The following ZCCHC7 variants were observed in gnomAD, a reference collection of about 807,000 sequenced individuals.
The protein encoded by ZCCHC7 is zinc finger CCHC-type containing 7.
ZCCHC7 carries 35 observed loss-of-function variants against 52.0 expected under a neutral mutation model. That is an observed-to-expected ratio of 0.67 (90% CI 0.51 to 0.89). ZCCHC7 has a LOEUF of 0.89. ZCCHC7 is among the 40% of genes least tolerant of loss of function. The pLI is 0.00. For synonymous variants in ZCCHC7, 217 were observed against 221.5 expected, an observed-to-expected ratio of 0.98 and a Z score of 0.18; for missense variants, 574 against 649.1, an observed-to-expected ratio of 0.88 and a Z score of 1.26.
chr9:37,219,228 AT>A (rs564492595), intron 2 of ZCCHC7, among the ~76,000 whole-genome samples: 1 of 152,188 alleles, frequency 6.6e-6, no homozygotes, highest in East Asian at 1.9e-4. Flanking sequence ...CCAATGCCCA[AT>A]TTTTTGTAAT....
chr9:37,215,070 T>C (rs1298607666), intron 2 of ZCCHC7, among the ~76,000 whole-genome samples: 1 of 152,136 alleles, frequency 6.6e-6, no homozygotes, highest in East Asian at 1.9e-4. Context: ...AATATGAACA[T>C]CTCATTTGAC....
rs11998996 is a variant in ZCCHC7 at position 37,168,052 on chromosome 9, T to A, written c.610+41110T>A. On this transcript the variant is annotated intron_variant, in intron 2 of 8. Coordinates refer to ENST00000336755, the MANE Select transcript of ZCCHC7 (RefSeq NM_032226.3). The stretch of plus-strand genomic sequence containing the variant: ...TCCTTTATTACTAGATCTTTCAAAT[T>A]TATTTGTCTTTAGTCTTCCTGGGTT... Among the ~76,000 whole-genome samples, 1,057 of 152,298 alleles carry A rather than the reference T, an allele frequency of 6.9e-3. 17 individuals carry two copies. Among genetic ancestry groups the A allele is most frequent in the African/African-American group, 0.024 (978 of 41,562 alleles).
At chr9:37,184,392 CAAAAA>C (rs34335465) in intron 2 of ZCCHC7, among the ~76,000 whole-genome samples, 13 of 121,296 alleles carry the variant, frequency 1.1e-4, no homozygotes, top group East Asian at 2.6e-4. Context: ...TGGCTTGCAT[CAAAAA>C]AAAAAAAAAA....
chr9:37,140,542 C>T (rs1843175902), intron 2 of ZCCHC7, among the ~76,000 whole-genome samples: 1 of 151,922 alleles, frequency 6.6e-6, no homozygotes, highest in Non-Finnish European at 1.5e-5. Context: ...CCATCAGGTA[C>T]TTACTTGGTT....
intron 6 of ZCCHC7, among the ~76,000 whole-genome samples, chr9:37,344,559 G>T (rs899352188): frequency 6.6e-6 from 1 of 151,984 alleles, no homozygotes; most frequent in African/African-American, 2.4e-5. Context: ...CATGCCTTAC[G>T]CCAAGAGTGG....
At chr9:37,216,363 C>G (rs775175738) in intron 2 of ZCCHC7, among the ~76,000 whole-genome samples, 3 of 152,054 alleles carry the variant, frequency 2.0e-5, no homozygotes, top group Non-Finnish European at 4.4e-5. Context: ...TTTATTTGCT[C>G]TAAATGGTTA....
At chr9:37,338,248 A>C (rs1830767302) in intron 6 of ZCCHC7, among the ~76,000 whole-genome samples, 2 of 152,196 alleles carry the variant, frequency 1.3e-5, no homozygotes, top group Non-Finnish European at 2.9e-5. Flanking sequence ...TTTTTATAAA[A>C]CTCGTGCTTC....
chr9:37,261,976 G>A (rs746184308), intron 2 of ZCCHC7, among the ~76,000 whole-genome samples: 6 of 152,050 alleles, frequency 3.9e-5, no homozygotes, highest in Non-Finnish European at 8.8e-5. Context: ...CACTCATTGC[G>A]TGAAAGATTT....
At chr9:37,201,036 A>G (rs1823604440) in intron 2 of ZCCHC7, among the ~76,000 whole-genome samples, 2 of 152,250 alleles carry the variant, frequency 1.3e-5, no homozygotes, top group Admixed American at 6.5e-5. Flanking sequence ...AACAGGGGCT[A>G]TGGGAGACAA....
intron 2 of ZCCHC7, among the ~76,000 whole-genome samples, chr9:37,257,539 TCTC>T (rs1826648607): frequency 6.6e-6 from 1 of 152,206 alleles, no homozygotes. Context: ...ATGCCACTCT[TCTC>T]ATTTCGGAAA....
intron 2 of ZCCHC7, among the ~76,000 whole-genome samples, chr9:37,217,415 T>C (rs1302462712): frequency 6.6e-6 from 1 of 152,154 alleles, no homozygotes; most frequent in Non-Finnish European, 1.5e-5. Flanking sequence ...TAAAAACTTT[T>C]AGGAACTCAA....
chr9:37,199,674 C>CTCTG (rs1421911800), intron 2 of ZCCHC7, among the ~76,000 whole-genome samples: 2 of 68,554 alleles, frequency 2.9e-5, no homozygotes, highest in Non-Finnish European at 7.2e-5. Flanking sequence ...CTGTCTTTCT[C>CTCTG]TCTGTCTGTC....
rs1293966952 is a variant in ZCCHC7, at chr9:37,279,079, T to C, written c.611-23109T>C. Among the ~76,000 whole-genome samples, 8 of 152,318 alleles carry C rather than the reference T, an allele frequency of 5.3e-5. No homozygotes were observed. In the East Asian group the frequency reaches 5.8e-4, roughly 11 times the overall value. On this transcript the variant is annotated intron_variant, in intron 2 of 8. Transcript: ENST00000336755. ...AGCTACCCTCCACTAGTAGAAATGC[T>C]GAAGTAAATTCTTTGGGATGAAGGG...
chr9:37,220,511 C>T (rs565629918), intron 2 of ZCCHC7, among the ~76,000 whole-genome samples: 17 of 152,250 alleles, frequency 1.1e-4, no homozygotes, highest in Admixed American at 9.2e-4. Context: ...CACTGCGCTT[C>T]AGCCTGGGTG....
rs144567337 is a variant in ZCCHC7, at chr9:37,248,402, T to C, written c.611-53786T>C. Reference sequence around the variant, plus strand: ...TGATGTTATTGCAGTTATTTTAATTTCCTGCCTGGAGCGTTTCAGTAGTAG... The same window carrying C: ...TGATGTTATTGCAGTTATTTTAATTCCCTGCCTGGAGCGTTTCAGTAGTAG... On this transcript the variant is annotated intron_variant, in intron 2 of 8. Coordinates refer to ENST00000336755, the MANE Select transcript of ZCCHC7 (RefSeq NM_032226.3). Among the ~76,000 whole-genome samples the C allele has an allele frequency of 2.6e-5, 4 of 152,352 alleles. No homozygotes were observed. The East Asian group carries it at 7.7e-4, about 29-fold the overall frequency.
rs184397848 is a variant in ZCCHC7, at chr9:37,275,728, C to T, written c.611-26460C>T. 9.9e-3 allele frequency among the ~76,000 whole-genome samples: 1,510 copies of T among 152,246 alleles called. 12 individuals carry two copies. Among genetic ancestry groups the T allele is most frequent in the Middle Eastern group, 0.014 (4 of 294 alleles). On this transcript the variant is annotated intron_variant, in intron 2 of 8. Coordinates refer to ENST00000336755, the MANE Select transcript of ZCCHC7 (RefSeq NM_032226.3). Reference sequence around the variant, plus strand: ...CGTGATCTCAGCTCACTGTAACCTCCGCCTCCCAGGTTCAAGCGATTCTCC... The same window carrying T: ...CGTGATCTCAGCTCACTGTAACCTCTGCCTCCCAGGTTCAAGCGATTCTCC...
rs72737764 is a variant in ZCCHC7 at position 37,217,982 on chromosome 9, A to C, written c.611-84206A>C. Among the ~76,000 whole-genome samples, 898 of 152,294 alleles carry C rather than the reference A, an allele frequency of 5.9e-3. 4 individuals are homozygous for C. Among genetic ancestry groups the C allele is most frequent in the Non-Finnish European group, 0.01 (713 of 68,002 alleles). On this transcript the variant is annotated intron_variant, in intron 2 of 8. Coordinates refer to ENST00000336755, the MANE Select transcript of ZCCHC7 (RefSeq NM_032226.3). ...ATATACTTTGGAAATTCTATTTTAA[A>C]GCATGTCATTAATTCTTTAGACTTA...
At chr9:37,164,570 A>G (rs1162359087) in intron 2 of ZCCHC7, among the ~76,000 whole-genome samples, 2 of 151,798 alleles carry the variant, frequency 1.3e-5, no homozygotes, top group Non-Finnish European at 2.9e-5. Context: ...AAAAGAAAAG[A>G]GAGAAGAGAA....
chr9:37,318,850 A>G (rs1829936494), intron 5 of ZCCHC7, among the ~76,000 whole-genome samples: 1 of 151,696 alleles, frequency 6.6e-6, no homozygotes. Context: ...ATCACAAGTC[A>G]GAGAATCACT....
Sources: allele counts gnomAD v4.1 joint callset (sites outside exome capture counted in the v4.1 genomes callset), GRCh38; gene constraint gnomAD v4.1.1; transcripts MANE v1.5; gene names NCBI Gene and HGNC (gene_info 2026-07-23, HGNC 2026-07-21).